The following UGP2 variants were observed in gnomAD, a reference collection of about 807,000 sequenced individuals.
UGP2 encodes UTP--glucose-1-phosphate uridylyltransferase.
Under a neutral mutation model 49.0 loss-of-function variants are expected in UGP2, and 40 were observed. That is an observed-to-expected ratio of 0.82 (90% CI 0.63 to 1.06). The LOEUF (loss-of-function observed/expected upper bound fraction) is 1.06, where lower values mean the gene tolerates loss of function less well. Among genes scored for constraint, UGP2 ranks in the 50% least tolerant of loss-of-function variants. The pLI, the probability that UGP2 is intolerant of heterozygous loss-of-function variation, is 0.00. For synonymous variants in UGP2, 225 were observed against 213.0 expected, an observed-to-expected ratio of 1.06 and a Z score of -0.49; for missense variants, 460 against 603.5, an observed-to-expected ratio of 0.76 and a Z score of 2.49.
chr2:63,864,652 A>T (rs1188989950), intron 3 of UGP2, among the ~76,000 whole-genome samples: 1 of 152,172 alleles, frequency 6.6e-6, no homozygotes, highest in Admixed American at 6.6e-5. Context: ...CGCATTCCTA[A>T]TCACTATGAT....
At chr2:63,872,514 T>C (rs1670625774) in intron 3 of UGP2, among the ~76,000 whole-genome samples, 1 of 152,204 alleles carries the variant, frequency 6.6e-6, no homozygotes, top group African/African-American at 2.4e-5. Flanking sequence ...TGAAAAAGAC[T>C]TAGAGCAGTT....
At chr2:63,843,001 T>A (rs770939879) in intron 1 of UGP2, among the ~76,000 whole-genome samples, 3 of 152,192 alleles carry the variant, frequency 2.0e-5, no homozygotes, top group Non-Finnish European at 4.4e-5. Context: ...GCAAGTAAAC[T>A]CTTTCCTTGT....
chr2:63,842,572 G>A (rs1671641637), intron 1 of UGP2: 1 of 1,498,786 alleles, frequency 6.7e-7, no homozygotes, highest in Non-Finnish European at 8.9e-7. Context: ...GGAAGGGCTG[G>A]GGAAGCGGGA....
At chr2:63,883,931 G>T in intron 4 of UGP2, 29 bp from the exon 5 acceptor site, 2 of 1,584,290 alleles carry the variant, frequency 1.3e-6, no homozygotes, top group South Asian at 1.2e-5. Context: ...AGTGAGTCTG[G>T]GTAATCTAAT....
intron 1 of UGP2, among the ~76,000 whole-genome samples, chr2:63,848,814 CTGTT>C (rs1192751193): frequency 3.3e-5 from 5 of 152,204 alleles, no homozygotes; most frequent in Non-Finnish European, 1.5e-5. Context: ...AGATAATACT[CTGTT>C]TGAAAGCTGT....
chr2:63,862,420 T>A (rs981281930), intron 3 of UGP2, among the ~76,000 whole-genome samples: 4 of 152,140 alleles, frequency 2.6e-5, no homozygotes, highest in Non-Finnish European at 4.4e-5. Context: ...TTTTTGAATT[T>A]CCCTCGGGAT....
Position 63,891,303 on chromosome 2 carries a change from G to T in UGP2, c.*76G>T. On this transcript the variant is annotated 3_prime_UTR_variant, in exon 10 of 10. Transcript: ENST00000337130. ...AATGTTCTCTAGGATTCTAAAATAGGCAGGTACTTTACTATGTTACTGTAC... is the reference window on the plus strand; with the variant it reads ...AATGTTCTCTAGGATTCTAAAATAGTCAGGTACTTTACTATGTTACTGTAC... 7.8e-7 allele frequency: 1 copy of T among 1,289,938 alleles called. No individual in the cohort carries two copies. The highest frequency in any genetic ancestry group is 2.4e-5 in the East Asian group (1 of 42,422). 79.9% of individuals were successfully genotyped at this position (1,289,938 alleles called of 1,614,324 possible). A position where few individuals can be genotyped will look rare whatever the true frequency, so the allele number is the denominator to read the frequency against.
rs746160917 is a variant in UGP2 at position 63,842,253 on chromosome 2, G to A, written c.19+49G>A. On this transcript the variant is annotated intron_variant, in intron 1 of 9. Transcript: ENST00000337130. ...CCCGAGTTGCTTCAGGCAAATTTGGGTACTGACAGTGGAGAGGTTGGTGGG... is the reference window on the plus strand; with the variant it reads ...CCCGAGTTGCTTCAGGCAAATTTGGATACTGACAGTGGAGAGGTTGGTGGG... 53 of 1,608,226 alleles carry A rather than the reference G, an allele frequency of 3.3e-5. No homozygotes were observed. The South Asian group carries it at 5.5e-4, about 17-fold the overall frequency.
intron 1 of UGP2, among the ~76,000 whole-genome samples, chr2:63,846,366 T>C (rs1671931957): frequency 1.3e-5 from 2 of 152,092 alleles, no homozygotes; most frequent in South Asian, 4.2e-4. Context: ...ACTTAATAAA[T>C]AGTGAAGAGA....
chr2:63,871,617 T>G (rs1300706585), intron 3 of UGP2, among the ~76,000 whole-genome samples: 2 of 152,252 alleles, frequency 1.3e-5, no homozygotes, highest in African/African-American at 2.4e-5. Flanking sequence ...AAGTTTTCTT[T>G]CTGTTGTTTT....
intron 3 of UGP2, among the ~76,000 whole-genome samples, chr2:63,862,376 G>C (rs988419452): frequency 6.6e-6 from 1 of 152,046 alleles, no homozygotes; most frequent in African/African-American, 2.4e-5. Context: ...TATTGCCAAA[G>C]CTTCAACTTT....
chr2:63,890,026 T>C (rs1671979553), intron 8 of UGP2, 55 bp from the exon 9 acceptor site: 18 of 1,331,090 alleles, frequency 1.4e-5, no homozygotes, highest in Non-Finnish European at 1.9e-5. Flanking sequence ...ATATTTTTCC[T>C]GTCTTTCTTT....
intron 8 of UGP2, chr2:63,889,329 A>C (rs754748137): frequency 2.6e-5 from 4 of 152,136 alleles, no homozygotes; most frequent in Non-Finnish European, 4.4e-5. Flanking sequence ...ATGTTTATAC[A>C]TTAATGGGAA....
intron 1 of UGP2, among the ~76,000 whole-genome samples, chr2:63,854,076 A>G (rs1474524392): frequency 6.6e-6 from 1 of 152,188 alleles, no homozygotes; most frequent in Non-Finnish European, 1.5e-5. Flanking sequence ...AAACATTAGC[A>G]AGGTATTTCT....
At chr2:63,865,102 T>C (rs1452727077) in intron 3 of UGP2, among the ~76,000 whole-genome samples, 2 of 152,262 alleles carry the variant, frequency 1.3e-5, no homozygotes, top group Non-Finnish European at 2.9e-5. Flanking sequence ...TGTCGAAGTC[T>C]CCTTTATTCA....
chr2:63,891,024 TAAAA>T (rs368306965), intron 9 of UGP2, 92 bp from the exon 10 acceptor site: 2 of 832,698 alleles, frequency 2.4e-6, no homozygotes, highest in African/African-American at 1.8e-5. Flanking sequence ...TACTTCACTG[TAAAA>T]AAAAAAAAGT....
chr2:63,860,464 A>G (rs1669758954), intron 3 of UGP2, among the ~76,000 whole-genome samples: 1 of 152,112 alleles, frequency 6.6e-6, no homozygotes. Context: ...TATCTAGCCT[A>G]TTTACTGACC....
chr2:63,865,447 G>A (rs1279838501), intron 3 of UGP2, among the ~76,000 whole-genome samples: 2 of 151,770 alleles, frequency 1.3e-5, no homozygotes, highest in Non-Finnish European at 2.9e-5. Flanking sequence ...AGCTATGAAT[G>A]TGGTTCAGGA....
At chr2:63,847,720 T>TTC (rs1304483634) in intron 1 of UGP2, among the ~76,000 whole-genome samples, 1 of 152,160 alleles carries the variant, frequency 6.6e-6, no homozygotes, top group African/African-American at 2.4e-5. Context: ...GAAAAGGACT[T>TTC]TCACAAGGTA....
Sources: allele counts gnomAD v4.1 joint callset (sites outside exome capture counted in the v4.1 genomes callset), GRCh38; gene constraint gnomAD v4.1.1; transcripts MANE v1.5; gene names NCBI Gene and HGNC (gene_info 2026-07-23, HGNC 2026-07-21).